The following SRPK1 variants were observed in gnomAD, a reference collection of about 807,000 sequenced individuals.
SRPK1 encodes the protein SRSF protein kinase 1.
In SRPK1, 52 loss-of-function variants were observed where a neutral mutation model predicts 89.5. The ratio of observed to expected loss-of-function variants is 0.58; its 90% CI spans 0.46 to 0.73. The LOEUF is 0.73. Ranked by LOEUF, SRPK1 falls within the 30% of genes least tolerant of loss-of-function variation. The pLI is 0.00. For synonymous variants in SRPK1, 255 were observed against 270.2 expected, an observed-to-expected ratio of 0.94 and a Z score of 0.55; for missense variants, 603 against 780.6, an observed-to-expected ratio of 0.77 and a Z score of 2.71.
chr6:35,916,043 C>T lies in SRPK1; in HGVS notation c.74+4425G>A, dbSNP rs1045329613. Among the ~76,000 whole-genome samples the T allele has an allele frequency of 4.0e-5, 4 of 99,640 alleles. 1 individual carries two copies. Among genetic ancestry groups the T allele is most frequent in the African/African-American group, 1.1e-4 (3 of 27,356 alleles). 65.4% of individuals were successfully genotyped at this position (99,640 alleles called of 152,430 possible). A position where few individuals can be genotyped will look rare whatever the true frequency, so the allele number is the denominator to read the frequency against. The stretch of plus-strand genomic sequence containing the variant: ...ACACACACACACACACACACACACA[C>T]GTTTATTAATAAAAATTAAAATAAA... On this transcript the variant is annotated intron_variant, in intron 2 of 15. Transcript: ENST00000373825.
At chr6:35,904,713 T>C (rs1032983018) in intron 2 of SRPK1, among the ~76,000 whole-genome samples, 3 of 151,832 alleles carry the variant, frequency 2.0e-5, no homozygotes, top group Non-Finnish European at 2.9e-5. Flanking sequence ...GCAGGAGAAC[T>C]GCTTGAACCA....
intron 6 of SRPK1, among the ~76,000 whole-genome samples, chr6:35,886,268 C>T (rs1212464091): frequency 1.3e-5 from 2 of 151,908 alleles, no homozygotes; most frequent in Non-Finnish European, 2.9e-5. Context: ...TTGGTAGAAA[C>T]AGAGTTTCAC....
chr6:35,885,298 C>CACACACAGAGAGAGAGAG (rs1276672274), intron 6 of SRPK1, among the ~76,000 whole-genome samples: 18 of 113,186 alleles, frequency 1.6e-4, no homozygotes, highest in African/African-American at 6.2e-4. Flanking sequence ...CACACACACA[C>CACACACAGAGAGAGAGAG]AGAGAGAGAG....
At chr6:35,880,742 A>AAAAAAAGAAAAAAAAAAAAAGAAAGAAAG (rs1554152657) in intron 6 of SRPK1, among the ~76,000 whole-genome samples, 1 of 28,176 alleles carries the variant, frequency 3.5e-5, no homozygotes, top group Non-Finnish European at 5.6e-5. Context: ...AAAGAAAAAA[A>AAAAAAAGAAAAAAAAAAAAAGAAAGAAAG]AAAAAAAAGA....
At chr6:35,893,390 T>C (rs1318145234) in intron 2 of SRPK1, among the ~76,000 whole-genome samples, 2 of 151,234 alleles carry the variant, frequency 1.3e-5, no homozygotes, top group African/African-American at 4.9e-5. Flanking sequence ...GGAACTGAGG[T>C]GGGAGGAATG....
chr6:35,897,220 A>C (rs1770643948), intron 2 of SRPK1, among the ~76,000 whole-genome samples: 1 of 152,238 alleles, frequency 6.6e-6, no homozygotes, highest in Non-Finnish European at 1.5e-5. Context: ...ATTATGTCTC[A>C]ATAAAGCTTT....
At chr6:35,881,777 A>G (rs1460370874) in intron 6 of SRPK1, among the ~76,000 whole-genome samples, 2 of 152,130 alleles carry the variant, frequency 1.3e-5, no homozygotes, top group African/African-American at 4.8e-5. Context: ...GACAGAATTA[A>G]AGGGAGAAAT....
intron 2 of SRPK1, among the ~76,000 whole-genome samples, chr6:35,906,293 C>T (rs563306214): frequency 2.0e-5 from 3 of 152,168 alleles, no homozygotes; most frequent in Admixed American, 6.5e-5. Flanking sequence ...GGCATGATCT[C>T]GGCTTACTGC....
intron 13 of SRPK1, among the ~76,000 whole-genome samples, chr6:35,852,739 T>C (rs1426984955): frequency 6.6e-6 from 1 of 152,164 alleles, no homozygotes; most frequent in Non-Finnish European, 1.5e-5. Context: ...GTTTAAGGAT[T>C]TTAGTAGCCT....
chr6:35,904,341 T>C (rs1433592164), intron 2 of SRPK1, among the ~76,000 whole-genome samples: 1 of 152,092 alleles, frequency 6.6e-6, no homozygotes, highest in Non-Finnish European at 1.5e-5. Flanking sequence ...CATGGAACCA[T>C]GGGGCTCTTC....
chr6:35,890,414 T>A (rs189468765), intron 3 of SRPK1, among the ~76,000 whole-genome samples: 1 of 152,366 alleles, frequency 6.6e-6, no homozygotes, highest in Non-Finnish European at 1.5e-5. Flanking sequence ...TTCCATTTTG[T>A]GTTCCTACCC....
Position 35,918,276 on chromosome 6 carries a change from G to A in SRPK1, c.74+2192C>T, listed in dbSNP as rs578084146. Among the ~76,000 whole-genome samples the A allele has an allele frequency of 5.3e-5, 8 of 152,318 alleles. No homozygotes were observed. In the South Asian group the frequency reaches 1.2e-3, roughly 24 times the overall value. On this transcript the variant is annotated intron_variant, in intron 2 of 15. Transcript: ENST00000373825. ...AGCACTTTGGGAGGCTGAGGCAGGCGGATTACCTGAGCTCAGGAGTTCGAG... is the reference window on the plus strand; with the variant it reads ...AGCACTTTGGGAGGCTGAGGCAGGCAGATTACCTGAGCTCAGGAGTTCGAG...
At chr6:35,920,418 AGG>A (rs1300677872) in intron 2 of SRPK1, 48 bp downstream of exon 2, 13 of 1,597,256 alleles carry the variant, frequency 8.1e-6, no homozygotes, top group Non-Finnish European at 7.7e-6. Flanking sequence ...AGAGCAGAGA[AGG>A]TGCCGGAGGA....
At chr6:35,913,040 G>A (rs907876517) in intron 2 of SRPK1, among the ~76,000 whole-genome samples, 5 of 152,214 alleles carry the variant, frequency 3.3e-5, no homozygotes, top group African/African-American at 1.2e-4. Context: ...CCAAAGTGCT[G>A]GGATTACAGG....
Position 35,861,637 on chromosome 6 carries a change from C to G in SRPK1, c.1513-4269G>C, listed in dbSNP as rs529676044. ...CTGCTGGCCTAAGAGGGACCCTCCC[C>G]GCTCTGGTCCCAGGCATAAAGTGCT... On this transcript the variant is annotated intron_variant, in intron 12 of 15. Transcript: ENST00000373825. Among the ~76,000 whole-genome samples, 19 of 152,340 alleles carry G rather than the reference C, an allele frequency of 1.2e-4. 1 individual carries two copies. In the South Asian group the frequency reaches 3.7e-3, roughly 30 times the overall value.
intron 4 of SRPK1, 103 bp from the exon 5 acceptor site, chr6:35,888,214 C>G (rs1770449411): frequency 1.5e-6 from 1 of 662,112 alleles, no homozygotes; most frequent in Non-Finnish European, 2.4e-6. Context: ...ATTGATTTCA[C>G]GTTTCCCTGT....
chr6:35,871,106 T>A, intron 8 of SRPK1, 147 bp from the exon 9 acceptor site: 2 of 454,372 alleles, frequency 4.4e-6, no homozygotes, highest in Admixed American at 3.8e-5. Context: ...ATGACTTAAG[T>A]AGAAGCTATA....
At chr6:35,880,137 T>C (rs1393277868) in intron 6 of SRPK1, among the ~76,000 whole-genome samples, 1 of 130,104 alleles carries the variant, frequency 7.7e-6, no homozygotes, top group Non-Finnish European at 1.7e-5. Context: ...AAGAAAACAA[T>C]ATATAAACAA....
intron 12 of SRPK1, among the ~76,000 whole-genome samples, chr6:35,863,705 A>G (rs575361288): frequency 5.0e-4 from 76 of 152,180 alleles, no homozygotes; most frequent in African/African-American, 1.7e-3. Flanking sequence ...GAGGGATTTT[A>G]TCAACACCAG....
Sources: allele counts gnomAD v4.1 joint callset (sites outside exome capture counted in the v4.1 genomes callset), GRCh38; gene constraint gnomAD v4.1.1; transcripts MANE v1.5; gene names NCBI Gene and HGNC (gene_info 2026-07-23, HGNC 2026-07-21).